The following CEP128 variants were observed in gnomAD, a reference collection of about 807,000 sequenced individuals.
CEP128 encodes the protein centrosomal protein 128kDa.
A neutral mutation model predicts 156.7 loss-of-function variants in CEP128; 132 were observed. That is an observed-to-expected ratio of 0.84 (90% CI 0.73 to 0.97). CEP128 has a LOEUF of 0.97. Ranked by LOEUF, CEP128 falls within the 50% of genes least tolerant of loss-of-function variation. The probability of loss-of-function intolerance (pLI) is 0.00; values close to 1 mark genes in which losing one functional copy is unlikely to be tolerated. For missense variants in CEP128, 1,252 were observed against 1,281.9 expected, an observed-to-expected ratio of 0.98 and a Z score of 0.36; for synonymous variants, 469 against 448.9, an observed-to-expected ratio of 1.04 and a Z score of -0.57.
intron 4 of CEP128, among the ~76,000 whole-genome samples, chr14:80,907,705 C>T (rs1364638686): frequency 2.1e-5 from 3 of 144,706 alleles, no homozygotes; most frequent in Non-Finnish European, 3.0e-5. Context: ...ACAAAACATA[C>T]TATGAGGCCC....
chr14:80,605,315 T>C (rs968755470), intron 19 of CEP128, among the ~76,000 whole-genome samples: 14 of 152,074 alleles, frequency 9.2e-5, no homozygotes, highest in African/African-American at 3.4e-4. Context: ...TGTATAACAA[T>C]TATCTCCCTA....
intron 2 of CEP128, among the ~76,000 whole-genome samples, chr14:80,922,428 T>C (rs1009381452): frequency 6.6e-6 from 1 of 152,242 alleles, no homozygotes; most frequent in African/African-American, 2.4e-5. Flanking sequence ...GTATATTATT[T>C]TCGCTGTGTA....
intron 22 of CEP128, 22 bp downstream of exon 22, chr14:80,530,787 A>G (rs1889189004): frequency 1.9e-6 from 3 of 1,551,800 alleles, no homozygotes; most frequent in Middle Eastern, 1.7e-4. Context: ...ATACTGAAAG[A>G]GACAAGCCAA....
rs191540435 is a variant in CEP128, at chr14:80,687,939, T to C, written c.2806+55136A>G. On this transcript the variant is annotated intron_variant, in intron 19 of 24. Coordinates refer to ENST00000555265, the MANE Select transcript of CEP128 (RefSeq NM_152446.5). ...ATAAAATATATAGTCTGGGAATTAA[T>C]AACAATTTTTATCCCTCCATTAAAA... is the stretch of plus-strand genomic sequence containing the variant. Among the ~76,000 whole-genome samples, 62 of 152,276 alleles carry C rather than the reference T, an allele frequency of 4.1e-4. No homozygotes were observed. The South Asian group carries it at 6.2e-3, about 15-fold the overall frequency.
chr14:80,641,917 A>G (rs10146659), intron 19 of CEP128, among the ~76,000 whole-genome samples: 43,908 of 151,274 alleles, frequency 0.29, 7,738 homozygotes, highest in African/African-American at 0.49. Context: ...GTGAAACCCC[A>G]TCTCTACTAA....
At chr14:80,509,541 C>A (rs777011053) in intron 23 of CEP128, among the ~76,000 whole-genome samples, 5 of 151,744 alleles carry the variant, frequency 3.3e-5, no homozygotes, top group Non-Finnish European at 7.4e-5. Context: ...AGTTATTAAT[C>A]CCTTATTAGA....
chr14:80,947,908 C>T (rs1272355483), intron 2 of CEP128, among the ~76,000 whole-genome samples: 1 of 152,232 alleles, frequency 6.6e-6, no homozygotes, highest in East Asian at 1.9e-4. Flanking sequence ...TCAAATGTAG[C>T]CTGCATTGTT....
intron 24 of CEP128, among the ~76,000 whole-genome samples, chr14:80,499,374 T>C (rs1487600689): frequency 6.6e-6 from 1 of 152,200 alleles, no homozygotes; most frequent in Non-Finnish European, 1.5e-5. Context: ...AACTTTTCTT[T>C]TTATAGCAAT....
intron 8 of CEP128, among the ~76,000 whole-genome samples, chr14:80,878,359 C>T (rs905371187): frequency 1.3e-5 from 2 of 152,188 alleles, no homozygotes; most frequent in African/African-American, 4.8e-5. Context: ...GCTACTCAGG[C>T]ACCTCACCTC....
intron 8 of CEP128, among the ~76,000 whole-genome samples, chr14:80,880,267 C>T (rs1335343617): frequency 2.0e-5 from 3 of 151,858 alleles, no homozygotes; most frequent in Admixed American, 6.6e-5. Context: ...AAGCATTTAT[C>T]GAAGTCCAAC....
At chr14:80,756,549 G>A (rs1271509028) in intron 18 of CEP128, among the ~76,000 whole-genome samples, 1 of 152,116 alleles carries the variant, frequency 6.6e-6, no homozygotes, top group East Asian at 1.9e-4. Context: ...TGACATGCTG[G>A]TAGCATCATA....
At chr14:80,518,814 T>C (rs1202529204) in intron 23 of CEP128, among the ~76,000 whole-genome samples, 1 of 152,198 alleles carries the variant, frequency 6.6e-6, no homozygotes, top group Non-Finnish European at 1.5e-5. Context: ...ATTGTCAGAA[T>C]TTATTATGTT....
intron 13 of CEP128, among the ~76,000 whole-genome samples, chr14:80,823,597 T>C (rs1371174571): frequency 4.3e-5 from 6 of 140,210 alleles, no homozygotes; most frequent in Non-Finnish European, 9.7e-5. Context: ...CTGGATACAG[T>C]TTGGCTTGGG....
At chr14:80,889,253 T>C (rs1358586753) in intron 8 of CEP128, among the ~76,000 whole-genome samples, 1 of 152,190 alleles carries the variant, frequency 6.6e-6, no homozygotes, top group East Asian at 1.9e-4. Flanking sequence ...TACCATTGAC[T>C]TTCTTCACAG....
At chr14:80,837,571 G>C (rs1273567474) in intron 11 of CEP128, among the ~76,000 whole-genome samples, 1 of 152,162 alleles carries the variant, frequency 6.6e-6, no homozygotes, top group Non-Finnish European at 1.5e-5. Flanking sequence ...CAAAACATTA[G>C]CCAGGTGTGG....
chr14:80,558,083 T>C (rs1411290902), intron 21 of CEP128, among the ~76,000 whole-genome samples: 1 of 152,176 alleles, frequency 6.6e-6, no homozygotes, highest in Non-Finnish European at 1.5e-5. Flanking sequence ...AAATCTATAA[T>C]TCTTATGTAA....
Position 80,530,328 on chromosome 14 carries a change from T to C in CEP128, c.2958+481A>G, listed in dbSNP as rs1455665742. 3.9e-5 allele frequency among the ~76,000 whole-genome samples: 6 copies of C among 152,348 alleles called. No homozygotes were observed. The East Asian group carries it at 7.7e-4, about 20-fold the overall frequency. On this transcript the variant is annotated intron_variant, in intron 22 of 24. Transcript: ENST00000555265. The stretch of plus-strand genomic sequence containing the variant: ...ATTGGCTTGATAATGAAATGCTTTG[T>C]GGTTAGAGGTCTATCAATAAATGGC...
chr14:80,743,869 TCTCA>T (rs1013089493), intron 18 of CEP128, among the ~76,000 whole-genome samples: 3 of 149,444 alleles, frequency 2.0e-5, no homozygotes, highest in East Asian at 2.1e-4. Flanking sequence ...TCTCTCTCTC[TCTCA>T]CTCTTTTTTT....
intron 19 of CEP128, among the ~76,000 whole-genome samples, chr14:80,609,290 C>A (rs1012262950): frequency 1.3e-5 from 2 of 151,584 alleles, no homozygotes; most frequent in African/African-American, 2.4e-5. Context: ...CAAAAAGTAA[C>A]CTTGGTTAAT....
Sources: allele counts gnomAD v4.1 joint callset (sites outside exome capture counted in the v4.1 genomes callset), GRCh38; gene constraint gnomAD v4.1.1; transcripts MANE v1.5; gene names NCBI Gene and HGNC (gene_info 2026-07-23, HGNC 2026-07-21).